Variants in MTUS1 observed in about 807,000 individuals in gnomAD.
MTUS1 encodes microtubule-associated tumor suppressor 1.
In MTUS1, 109 loss-of-function variants were observed where a neutral mutation model predicts 120.8. The observed-to-expected ratio is 0.90, with a 90% CI of 0.77 to 1.06. The LOEUF is 1.06. Ranked by LOEUF, MTUS1 falls within the 50% of genes least tolerant of loss-of-function variation. The probability of loss-of-function intolerance (pLI) is 0.00; values close to 1 mark genes in which losing one functional copy is unlikely to be tolerated. For missense variants in MTUS1, 2,210 were observed against 1,486.3 expected, an observed-to-expected ratio of 1.49 and a Z score of -8.01; for synonymous variants, 737 against 550.5, an observed-to-expected ratio of 1.34 and a Z score of -4.74.
At chr8:17,689,483 G>C (rs902816634) in intron 6 of MTUS1, among the ~76,000 whole-genome samples, 1 of 152,132 alleles carries the variant, frequency 6.6e-6, no homozygotes, top group African/African-American at 2.4e-5. Flanking sequence ...AATTTTTCCT[G>C]AAGCAACAGT....
intron 3 of MTUS1, among the ~76,000 whole-genome samples, chr8:17,735,500 C>A (rs2046864812): frequency 6.6e-6 from 1 of 152,196 alleles, no homozygotes; most frequent in African/African-American, 2.4e-5. Flanking sequence ...CTGTCATTGA[C>A]CCCGGGACAC....
At position 17,755,493 on chromosome 8, in the gene MTUS1, A is replaced by T. The variant is rs911627389; in HGVS notation, c.315T>A (p.Cys105Ter). 1.2e-6 allele frequency: 2 copies of T among 1,614,164 alleles called. No individual in the cohort carries two copies. Among genetic ancestry groups the T allele is most frequent in the Non-Finnish European group, 1.7e-6 (2 of 1,179,966 alleles). The change falls in exon 2 of 15, where the codon TGT becomes TGA. Residue 105 changes from cysteine to a stop codon, truncating the protein, a stop_gained. Coordinates refer to ENST00000693296, the MANE Select transcript of MTUS1 (RefSeq NM_001363059.2). LOFTEE classifies it high-confidence loss of function. ...LDMHKDSICQCPALVGTEKPK... is the reference protein window; with the variant it reads ...LDMHKDSICQ ...GCTTCTCAGTACCTACAAGTGCAGG[A>T]CACTGACAAATAGAATCTTTATGCA... is the stretch of plus-strand genomic sequence containing the variant.
At chr8:17,686,407 CTA>C (rs565503734) in intron 6 of MTUS1, among the ~76,000 whole-genome samples, 88 of 152,326 alleles carry the variant, frequency 5.8e-4, no homozygotes, top group African/African-American at 2.1e-3. Context: ...ATATAAACAT[CTA>C]TGTGTTATAT....
chr8:17,709,142 A>AC (rs1167744276), intron 6 of MTUS1, among the ~76,000 whole-genome samples: 4 of 151,870 alleles, frequency 2.6e-5, no homozygotes, highest in Admixed American at 6.6e-5. Flanking sequence ...GCCTCAAAAA[A>AC]AAAAAAAGAA....
intron 1 of MTUS1, among the ~76,000 whole-genome samples, chr8:17,761,064 TTA>T (rs2049003676): frequency 6.6e-6 from 1 of 152,070 alleles, no homozygotes; most frequent in Non-Finnish European, 1.5e-5. Context: ...AATTCCCCAC[TTA>T]TTAAAGAGCT....
intron 1 of MTUS1, among the ~76,000 whole-genome samples, chr8:17,759,270 TTTC>T (rs2048860970): frequency 2.0e-5 from 3 of 151,424 alleles, no homozygotes; most frequent in African/African-American, 7.3e-5. Context: ...TTTTTTTATT[TTTC>T]TTTTTTTTGA....
At chr8:17,711,071 T>G (rs568111369) in intron 6 of MTUS1, among the ~76,000 whole-genome samples, 34 of 152,300 alleles carry the variant, frequency 2.2e-4, no homozygotes, top group African/African-American at 7.5e-4. Context: ...CTTTGTTGTT[T>G]CATTTATAGA....
Position 17,675,231 on chromosome 8 carries a change from G to C in MTUS1, c.2860C>G (p.His954Asp), listed in dbSNP as rs374398513. 5 of 1,613,988 alleles carry C rather than the reference G, an allele frequency of 3.1e-6. No individual in the cohort carries two copies. Among genetic ancestry groups the C allele is most frequent in the Non-Finnish European group, 4.2e-6 (5 of 1,180,012 alleles). The change falls in exon 8 of 15, where the codon CAC becomes GAC. Residue 954 changes from histidine to aspartate, a missense_variant. By Grantham distance (81) the His-to-Asp change is moderately conservative. Transcript: ENST00000693296. ...LSEREEALKQ[H>D]KTLSQELVNL... is the part of the protein sequence containing the mutation. ...ACAAGTTCTTGAGATAGGGTTTTGT[G>C]TTGTTTCAGTGCTTCCTCCCGCTGC...
intron 1 of MTUS1, among the ~76,000 whole-genome samples, chr8:17,760,061 T>C (rs193177194): frequency 1.9e-3 from 285 of 150,350 alleles, no homozygotes; most frequent in Middle Eastern, 3.4e-3. Context: ...CTTTTCTTTT[T>C]TTTTTTTTTT....
At chr8:17,745,268 G>A (rs1167103489) in intron 2 of MTUS1, among the ~76,000 whole-genome samples, 1 of 152,066 alleles carries the variant, frequency 6.6e-6, no homozygotes, top group Non-Finnish European at 1.5e-5. Flanking sequence ...CAAAATCCAT[G>A]GACACTCAAA....
At chr8:17,794,156 T>C (rs577819817) in intron 1 of MTUS1, among the ~76,000 whole-genome samples, 238 of 152,068 alleles carry the variant, frequency 1.6e-3, no homozygotes, top group African/African-American at 5.0e-3. Context: ...GGTGAAACCC[T>C]GTCTCTACTA....
intron 8 of MTUS1, chr8:17,664,087 G>C (rs1270602005): frequency 2.6e-5 from 4 of 152,152 alleles, no homozygotes; most frequent in Non-Finnish European, 2.9e-5. Context: ...ACAGGCTTAG[G>C]GTTCCATAAC....
intron 1 of MTUS1, among the ~76,000 whole-genome samples, chr8:17,762,902 G>C (rs547700467): frequency 1.3e-5 from 2 of 152,130 alleles, no homozygotes; most frequent in South Asian, 4.2e-4. Flanking sequence ...GATTAGCAAA[G>C]ATGCGGCAAA....
chr8:17,765,303 G>A (rs1003423203), intron 1 of MTUS1, among the ~76,000 whole-genome samples: 6 of 152,120 alleles, frequency 3.9e-5, no homozygotes, highest in Admixed American at 3.9e-4. Flanking sequence ...CACAGCCCAG[G>A]AATTGGGGAA....
At chr8:17,698,573 A>G (rs1427809580) in intron 6 of MTUS1, among the ~76,000 whole-genome samples, 1 of 152,262 alleles carries the variant, frequency 6.6e-6, no homozygotes, top group East Asian at 1.9e-4. Context: ...AATAAGACTC[A>G]GAAATAAATG....
At chr8:17,780,975 G>C (rs1404789674) in intron 1 of MTUS1, 1 of 152,198 alleles carries the variant, frequency 6.6e-6, no homozygotes. Flanking sequence ...AGTCAATCCT[G>C]AGGGGCTGTG....
chr8:17,654,731 A>C lies in MTUS1; in HGVS notation c.3109-65T>G, dbSNP rs1807828982. 4 of 1,138,974 alleles carry C rather than the reference A, an allele frequency of 3.5e-6. No individual in the cohort carries two copies. The Admixed American group carries it at 6.9e-5, about 20-fold the overall frequency. The allele number at this position is 1,138,974 out of a possible 1,614,324, so 70.6% of individuals were successfully genotyped here. A position where few individuals can be genotyped will look rare whatever the true frequency, so the allele number is the denominator to read the frequency against. On this transcript the variant is annotated intron_variant, in intron 9 of 14. Transcript: ENST00000693296. ...CAAATGTCCTAAGTTGAATACGCAA[A>C]GCAACCACATTAGGAGACGTCACAG...
intron 7 of MTUS1, among the ~76,000 whole-genome samples, chr8:17,676,647 C>T (rs118107777): frequency 8.4e-4 from 128 of 152,152 alleles, no homozygotes; most frequent in Middle Eastern, 6.8e-3. Context: ...TCAGCTGCAA[C>T]GGAGGAAAGA....
chr8:17,737,992 C>T (rs1325556966), intron 3 of MTUS1, among the ~76,000 whole-genome samples: 1 of 152,150 alleles, frequency 6.6e-6, no homozygotes, highest in Admixed American at 6.5e-5. Flanking sequence ...AATCAGTTTA[C>T]ATAAACCACG....
Sources: gnomAD v4.1 joint callset for allele counts (sites outside exome capture counted in the v4.1 genomes callset) on GRCh38, gnomAD v4.1.1 for gene constraint, MANE v1.5 for transcripts, NCBI Gene and HGNC (gene_info 2026-07-23, HGNC 2026-07-21) for gene names.